NXN: variants seen among roughly 807,000 people sequenced by gnomAD.
NXN encodes the protein nucleoredoxin.
A neutral mutation model predicts 48.6 loss-of-function variants in NXN; 16 were observed. That is an observed-to-expected ratio of 0.33 (90% CI 0.22 to 0.50). The LOEUF (loss-of-function observed/expected upper bound fraction) is 0.50. NXN is among the 20% of genes least tolerant of loss of function. The probability of loss-of-function intolerance (pLI) is 0.98; values close to 1 mark genes in which losing one functional copy is unlikely to be tolerated. For synonymous variants in NXN, 281 were observed against 269.6 expected, an observed-to-expected ratio of 1.04 and a Z score of -0.41; for missense variants, 492 against 605.5, an observed-to-expected ratio of 0.81 and a Z score of 1.97.
At chr17:862,256 C>T (rs2068048388) in intron 1 of NXN, among the ~76,000 whole-genome samples, 1 of 152,182 alleles carries the variant, frequency 6.6e-6, no homozygotes, top group Non-Finnish European at 1.5e-5. Context: ...TGGCTCACAC[C>T]TGTAATCCCA....
intron 1 of NXN, among the ~76,000 whole-genome samples, chr17:880,393 G>A (rs1007924145): frequency 2.0e-5 from 3 of 152,118 alleles, no homozygotes; most frequent in Non-Finnish European, 4.4e-5. Context: ...AGGAGAAAAC[G>A]TCTTAATAAG....
intron 1 of NXN, among the ~76,000 whole-genome samples, chr17:960,741 G>A (rs571402970): frequency 6.6e-6 from 1 of 151,528 alleles, no homozygotes; most frequent in African/African-American, 2.4e-5. Flanking sequence ...GCCTCCCAAA[G>A]CACTGGGATT....
In NXN at chr17:853,180, G is replaced by A. The variant is rs552485624; in HGVS notation, c.361-27102C>T. 8.5e-5 allele frequency among the ~76,000 whole-genome samples: 13 copies of A among 152,224 alleles called. No homozygotes were observed. In the South Asian group the frequency reaches 1.9e-3, roughly 22 times the overall value. ...GTTAAGAAAATTCCCAGCCGGGCAC[G>A]GTGGCTCACGCCTGGAATCCCGGTA... On this transcript the variant is annotated intron_variant, in intron 1 of 7. Transcript: ENST00000336868.
chr17:945,442 A>G (rs185888549), intron 1 of NXN, among the ~76,000 whole-genome samples: 23 of 150,930 alleles, frequency 1.5e-4, no homozygotes, highest in African/African-American at 4.9e-4. Context: ...ATCCTGGCTA[A>G]CATGGTGAAA....
intron 1 of NXN, among the ~76,000 whole-genome samples, chr17:976,327 C>A (rs139825881): frequency 6.6e-6 from 1 of 151,784 alleles, no homozygotes; most frequent in South Asian, 2.1e-4. Context: ...AAAAGAAATA[C>A]CACACAGCAT....
intron 1 of NXN, among the ~76,000 whole-genome samples, chr17:852,493 T>C (rs949530517): frequency 2.0e-5 from 3 of 152,144 alleles, no homozygotes; most frequent in Non-Finnish European, 4.4e-5. Context: ...CCTCTGAATG[T>C]CCATACTGAC....
In NXN at chr17:917,847, G is replaced by GAC. The variant is rs1555622182; in HGVS notation, c.360+61470_360+61471dup. On this transcript the variant is annotated intron_variant, in intron 1 of 7. Transcript: ENST00000336868. The surrounding 1 kb of genome is among the most constrained non-coding windows in gnomAD (Gnocchi z 4.5). ...AGGGGATAAGCGACAGGAGAGGGGG[G>GAC]ACTCCCGTTCCAAACAAAGGGGACT... Among the ~76,000 whole-genome samples, 1 of 152,188 alleles carries GAC rather than the reference G, an allele frequency of 6.6e-6. No individual in the cohort carries two copies. Among genetic ancestry groups the GAC allele is most frequent in the Non-Finnish European group, 1.5e-5 (1 of 68,038 alleles).
rs528565699 is a variant in NXN, at chr17:808,018, G to T, written c.821-2771C>A. On this transcript the variant is annotated intron_variant, in intron 5 of 7. Coordinates refer to ENST00000336868, the MANE Select transcript of NXN (RefSeq NM_022463.5). Reference sequence around the variant, plus strand: ...GGCAGTGGTTACAGTAGGGATGGGGGTCACCCAGCCAGGCAGTGGTTACAC... The same window carrying T: ...GGCAGTGGTTACAGTAGGGATGGGGTTCACCCAGCCAGGCAGTGGTTACAC... Among the ~76,000 whole-genome samples, 6 of 152,306 alleles carry T rather than the reference G, an allele frequency of 3.9e-5. No individual in the cohort carries two copies. The East Asian group carries it at 1.2e-3, about 29-fold the overall frequency.
chr17:876,588 C>G (rs1221665930), intron 1 of NXN, among the ~76,000 whole-genome samples: 1 of 152,190 alleles, frequency 6.6e-6, no homozygotes, highest in East Asian at 1.9e-4. Context: ...CTCTCTTAAG[C>G]CCAGGAATCA....
At chr17:892,724 A>G (rs1174966466) in intron 1 of NXN, among the ~76,000 whole-genome samples, 2 of 152,212 alleles carry the variant, frequency 1.3e-5, no homozygotes, top group Admixed American at 6.5e-5. Context: ...CCGCTTAGTG[A>G]CAATCGAAAA....
chr17:891,735 C>A (rs922440642), intron 1 of NXN, among the ~76,000 whole-genome samples: 3 of 151,684 alleles, frequency 2.0e-5, no homozygotes, highest in East Asian at 3.9e-4. Context: ...GCTAACCCCA[C>A]CATGCACAGC....
chr17:968,369 C>G (rs2069331542), intron 1 of NXN, among the ~76,000 whole-genome samples: 1 of 152,192 alleles, frequency 6.6e-6, no homozygotes, highest in South Asian at 2.1e-4. Flanking sequence ...AACCGAGCAC[C>G]TGATTAGTCA....
chr17:947,547 A>G (rs1371213979), intron 1 of NXN, among the ~76,000 whole-genome samples: 1 of 152,024 alleles, frequency 6.6e-6, no homozygotes, highest in African/African-American at 2.4e-5. Context: ...AGCCTGGCCA[A>G]CAAGGTGAAA....
At chr17:858,112 G>A (rs932034559) in intron 1 of NXN, among the ~76,000 whole-genome samples, 1 of 151,868 alleles carries the variant, frequency 6.6e-6, no homozygotes, top group African/African-American at 2.4e-5. Context: ...TGGGGTCACA[G>A]GTATGCACCA....
In NXN at chr17:827,418, C is replaced by T. The variant is rs1019934151; in HGVS notation, c.361-1340G>A. 3.9e-5 allele frequency among the ~76,000 whole-genome samples: 6 copies of T among 152,204 alleles called. No homozygotes were observed. The East Asian group carries it at 1.2e-3, about 30-fold the overall frequency. On this transcript the variant is annotated intron_variant, in intron 1 of 7. Transcript: ENST00000336868. ...CGGGTGGATCACGAGGCCAGGAGAT[C>T]GAGACCATCCTGGCTAACACGGTGA...
intron 1 of NXN, among the ~76,000 whole-genome samples, chr17:875,122 C>T (rs1459390144): frequency 6.6e-6 from 1 of 151,980 alleles, no homozygotes; most frequent in Non-Finnish European, 1.5e-5. Flanking sequence ...ACCTCCGCCT[C>T]CCGGGTTCAA....
chr17:885,827 C>A (rs1331925502), intron 1 of NXN, among the ~76,000 whole-genome samples: 1 of 148,988 alleles, frequency 6.7e-6, no homozygotes, highest in Non-Finnish European at 1.5e-5. Flanking sequence ...ACTACAGGCG[C>A]CCGCCACCAC....
intron 1 of NXN, among the ~76,000 whole-genome samples, chr17:828,993 C>T (rs565425338): frequency 6.6e-6 from 1 of 152,042 alleles, no homozygotes; most frequent in Non-Finnish European, 1.5e-5. Context: ...CATGACTCAC[C>T]GCTCAGGAAA....
intron 1 of NXN, among the ~76,000 whole-genome samples, chr17:840,427 C>T (rs749893008): frequency 2.6e-4 from 40 of 152,208 alleles, no homozygotes; most frequent in Admixed American, 2.0e-3. Flanking sequence ...GCAAGCTCCA[C>T]CTCCCGGGTT....
Sources: allele counts gnomAD v4.1 joint callset (sites outside exome capture counted in the v4.1 genomes callset), GRCh38; gene constraint gnomAD v4.1.1; non-coding constraint Gnocchi (gnomAD v3.1); transcripts MANE v1.5; gene names NCBI Gene and HGNC (gene_info 2026-07-23, HGNC 2026-07-21).